CFAP69: variants seen among roughly 807,000 people sequenced by gnomAD.
The protein encoded by CFAP69 is cilia and flagella associated protein 69.
In CFAP69, 92 loss-of-function variants were observed where a neutral mutation model predicts 123.0. That is an observed-to-expected ratio of 0.75 (90% CI 0.63 to 0.89). The LOEUF (loss-of-function observed/expected upper bound fraction) is 0.89, where lower values mean the gene tolerates loss of function less well. CFAP69 is among the 40% of genes least tolerant of loss of function. The pLI is 0.00. For synonymous variants in CFAP69, 380 were observed against 364.3 expected (o/e 1.04, Z -0.49); for missense variants, 1,067 against 1,096.9 (o/e 0.97, Z 0.39).
chr7:90,287,672 G>T, intron 14 of CFAP69: 1 of 985,496 alleles, frequency 1.0e-6, no homozygotes, highest in African/African-American at 1.7e-5. Flanking sequence ...CTACCACCCT[G>T]TGCCTGGGCT....
At chr7:90,289,381 A>C (rs1436530976) in intron 15 of CFAP69, among the ~76,000 whole-genome samples, 1 of 152,052 alleles carries the variant, frequency 6.6e-6, no homozygotes, top group Non-Finnish European at 1.5e-5. Flanking sequence ...TTGTAGTTTT[A>C]ATTTTCATAT....
At chr7:90,310,041 T>C (rs745559291) in intron 22 of CFAP69, 27 bp from the exon 23 acceptor site, 1 of 1,578,130 alleles carries the variant, frequency 6.3e-7, no homozygotes, top group South Asian at 1.2e-5. Context: ...AAATGGACTT[T>C]TAGATATTTA....
rs188534119 is a variant in CFAP69, at chr7:90,288,263, C to T, written c.1686C>T (p.Ile562=). The part of the protein sequence containing the change: ...KEIFGTEGVD[I]VLHVMKTDPR... ...TTTTCGGAACTGAAGGAGTAGATAT[C>T]GTTCTTCATGTGATGAAAACAGACC... is the stretch of plus-strand genomic sequence containing the variant. The change falls in exon 15 of 23, where the codon ATC becomes ATT. Residue 562 remains isoleucine, a synonymous_variant. Coordinates refer to ENST00000389297, the MANE Select transcript of CFAP69 (RefSeq NM_001039706.3). The T allele has an allele frequency of 1.5e-3, 2,360 of 1,610,472 alleles. 24 individuals carry two copies. In the African/African-American group the frequency reaches 0.028, roughly 19 times the overall value.
intron 16 of CFAP69, among the ~76,000 whole-genome samples, chr7:90,298,399 A>G (rs1203917731): frequency 1.3e-5 from 2 of 152,192 alleles, no homozygotes; most frequent in Non-Finnish European, 2.9e-5. Context: ...CCTCAATTCT[A>G]ACTGGAATCC....
chr7:90,269,669 CAG>C (rs1433582710), intron 6 of CFAP69, among the ~76,000 whole-genome samples: 2 of 152,062 alleles, frequency 1.3e-5, no homozygotes, highest in Admixed American at 6.6e-5. Flanking sequence ...ATTAAAGAAT[CAG>C]AGGATTGTGA....
At chr7:90,301,894 ATTGC>A (rs1351128100) in intron 17 of CFAP69, 19 of 152,184 alleles carry the variant, frequency 1.2e-4, no homozygotes, top group African/African-American at 4.3e-4. Flanking sequence ...TCTTTGAGGA[ATTGC>A]CACACTGCTT....
At position 90,269,660 on chromosome 7, in the gene CFAP69, T is replaced by C. The variant is rs368870724; in HGVS notation, c.532+1276T>C. ...TAAAGTGGTCAGGGCAGATGCAGGA[T>C]TAAAGAATCAGAGGATTGTGAGAGT... is the stretch of plus-strand genomic sequence containing the variant. On this transcript the variant is annotated intron_variant, in intron 6 of 22. Coordinates refer to ENST00000389297, the MANE Select transcript of CFAP69 (RefSeq NM_001039706.3). Among the ~76,000 whole-genome samples, 68 of 152,228 alleles carry C rather than the reference T, an allele frequency of 4.5e-4. 1 individual carries two copies. The South Asian group carries it at 0.013, about 30-fold the overall frequency.
intron 14 of CFAP69, chr7:90,287,744 A>G (rs1305862790): frequency 1.0e-6 from 1 of 986,126 alleles, no homozygotes; most frequent in Non-Finnish European, 1.2e-6. Context: ...CAAGGCAATA[A>G]GAAAGGTAAT....
At position 90,306,976 on chromosome 7, in the gene CFAP69, G is replaced by A; in HGVS notation, c.2341G>A (p.Ala781Thr). 6.2e-7 allele frequency: 1 copy of A among 1,602,702 alleles called. No individual in the cohort carries two copies. Among genetic ancestry groups the A allele is most frequent in the East Asian group, 2.2e-5 (1 of 44,722 alleles). ...KLRPVTTDKKALEAITTASEN... is the reference protein window; with the variant it reads ...KLRPVTTDKKTLEAITTASEN... Reference sequence around the variant, plus strand: ...AAGACCAGTCACTACAGATAAAAAAGCTTTGGAAGCTATTACAACAGCATC... The same window carrying A: ...AAGACCAGTCACTACAGATAAAAAAACTTTGGAAGCTATTACAACAGCATC... The change falls in exon 20 of 23, where the codon GCT becomes ACT. Residue 781 changes from alanine to threonine, a missense_variant. Transcript: ENST00000389297.
rs570099598 is a variant in CFAP69 at position 90,289,159 on chromosome 7, C to T, written c.1775+807C>T. On this transcript the variant is annotated intron_variant, in intron 15 of 22. Coordinates refer to ENST00000389297, the MANE Select transcript of CFAP69 (RefSeq NM_001039706.3). Reference sequence around the variant, plus strand: ...TATTAAACATCATAGATATTTCTGTCCAGTATACACCTAGATGTAAAAATG... The same window carrying T: ...TATTAAACATCATAGATATTTCTGTTCAGTATACACCTAGATGTAAAAATG... Among the ~76,000 whole-genome samples, 13 of 152,000 alleles carry T rather than the reference C, an allele frequency of 8.6e-5. No individual in the cohort carries two copies. In the South Asian group the frequency reaches 2.7e-3, roughly 32 times the overall value.
chr7:90,300,164 G>GTT (rs11413344), intron 17 of CFAP69, 105 bp downstream of exon 17: 239,642 of 1,003,352 alleles, frequency 0.24, 114 homozygotes, highest in Middle Eastern at 0.27. Context: ...TTTGTCTAAA[G>GTT]TTTTTTTTTT....
chr7:90,276,918 TG>T (rs1270221600), intron 9 of CFAP69, among the ~76,000 whole-genome samples, 154 bp from the exon 10 acceptor site: 1 of 152,194 alleles, frequency 6.6e-6, no homozygotes, highest in Admixed American at 6.5e-5. Context: ...TTTTATTTTT[TG>T]CCTCACTCTT....
intron 3 of CFAP69, among the ~76,000 whole-genome samples, chr7:90,261,382 A>C (rs1252349137): frequency 6.8e-6 from 1 of 146,394 alleles, no homozygotes; most frequent in Non-Finnish European, 1.5e-5. Flanking sequence ...AAATAGATAA[A>C]ATAAAAGATG....
chr7:90,304,563 A>G, intron 18 of CFAP69, 181 bp from the exon 19 acceptor site: 2 of 1,375,520 alleles, frequency 1.5e-6, no homozygotes, highest in Non-Finnish European at 1.9e-6. Context: ...AAAGAAGCCT[A>G]CTCACAAGCT....
chr7:90,288,784 C>T (rs1038374579), intron 15 of CFAP69, among the ~76,000 whole-genome samples: 1 of 152,098 alleles, frequency 6.6e-6, no homozygotes, highest in African/African-American at 2.4e-5. Flanking sequence ...CCTTATTATA[C>T]ATTACTGTAG....
chr7:90,299,601 TC>T (rs1393232625), intron 16 of CFAP69, among the ~76,000 whole-genome samples: 1 of 152,114 alleles, frequency 6.6e-6, no homozygotes. Context: ...TTTTTCCAAC[TC>T]AGCCACATCA....
rs757235070 is a variant in CFAP69 at position 90,299,951 on chromosome 7, G to A, written c.1942G>A (p.Ala648Thr). Residue 648 changes from alanine to threonine, a missense_variant, in exon 17 of 23, where the codon GCT (alanine) becomes ACT (threonine). Transcript: ENST00000389297. ...DNPKTAAHVN[A>T]WQGKKDQTAA... ...TCCCAAAACTGCAGCTCATGTCAAT[G>A]CTTGGCAAGGGAAGAAGGATCAGAC... 3.7e-6 allele frequency: 6 copies of A among 1,612,208 alleles called. No homozygotes were observed. Among genetic ancestry groups the A allele is most frequent in the East Asian group, 2.2e-5 (1 of 44,722 alleles).
At chr7:90,277,185 C>T (rs1364438252) in intron 10 of CFAP69, 28 bp from the exon 11 acceptor site, 2 of 1,576,462 alleles carry the variant, frequency 1.3e-6, no homozygotes, top group Non-Finnish European at 1.7e-6. Context: ...AACATTTAAG[C>T]TTTCATTTTA....
At chr7:90,261,885 A>T in intron 3 of CFAP69, 62 bp from the exon 4 acceptor site, 1 of 865,886 alleles carries the variant, frequency 1.2e-6, no homozygotes, top group Non-Finnish European at 1.7e-6. Context: ...CAGAAATACT[A>T]TAAAGAATAT....
Sources: gnomAD v4.1 joint callset for allele counts (sites outside exome capture counted in the v4.1 genomes callset) on GRCh38, gnomAD v4.1.1 for gene constraint, MANE v1.5 for transcripts, NCBI Gene and HGNC (gene_info 2026-07-23, HGNC 2026-07-21) for gene names.